Variants in VPS26A observed in about 807,000 individuals in gnomAD.
VPS26A encodes vacuolar protein sorting-associated protein 26A.
VPS26A carries 22 observed loss-of-function variants against 42.4 expected under a neutral mutation model. The observed-to-expected ratio is 0.52, with a 90% confidence interval of 0.37 to 0.74. The LOEUF (loss-of-function observed/expected upper bound fraction) is 0.74, where lower values mean the gene tolerates loss of function less well. VPS26A is among the 30% of genes least tolerant of loss of function. The pLI, the probability that VPS26A is intolerant of heterozygous loss-of-function variation, is 0.00. For missense variants in VPS26A, 276 were observed against 379.2 expected, an observed-to-expected ratio of 0.73 and a Z score of 2.26; for synonymous variants, 110 against 123.5, an observed-to-expected ratio of 0.89 and a Z score of 0.73.
At position 69,167,641 on chromosome 10, in the gene VPS26A, G is replaced by A. The variant is rs375830842; in HGVS notation, c.728-848G>A. 4.6e-5 allele frequency among the ~76,000 whole-genome samples: 7 copies of A among 151,192 alleles called. No individual in the cohort carries two copies. The East Asian group carries it at 1.4e-3, about 29-fold the overall frequency. ...GCCTGTAATCCCAGCTACTCGGGAG[G>A]CTGAGGCAGGAGAATTGGATGAACC... On this transcript the variant is annotated intron_variant, in intron 7 of 8. Coordinates refer to ENST00000263559, the MANE Select transcript of VPS26A (RefSeq NM_004896.5).
At chr10:69,134,790 T>C (rs1840866596) in intron 2 of VPS26A, among the ~76,000 whole-genome samples, 1 of 152,042 alleles carries the variant, frequency 6.6e-6, no homozygotes. Context: ...TTCTTCCTTT[T>C]AAAAGATGAA....
intron 2 of VPS26A, among the ~76,000 whole-genome samples, chr10:69,138,741 C>G (rs1175301110): frequency 1.3e-5 from 2 of 152,112 alleles, no homozygotes; most frequent in Non-Finnish European, 2.9e-5. Flanking sequence ...GAAGTTTTTA[C>G]TTAACCTCTT....
intron 2 of VPS26A, among the ~76,000 whole-genome samples, chr10:69,135,531 C>T (rs1039412180): frequency 7.9e-5 from 12 of 152,136 alleles, no homozygotes; most frequent in South Asian, 6.2e-4. Flanking sequence ...TTGTTTGAGC[C>T]CAAGAGTTCA....
At chr10:69,135,971 T>C (rs1840899392) in intron 2 of VPS26A, among the ~76,000 whole-genome samples, 1 of 152,200 alleles carries the variant, frequency 6.6e-6, no homozygotes, top group Admixed American at 6.5e-5. Context: ...TTGTTTAGTC[T>C]TGCTCATTTA....
At chr10:69,163,530 T>G (rs1841609472) in intron 6 of VPS26A, among the ~76,000 whole-genome samples, 1 of 152,172 alleles carries the variant, frequency 6.6e-6, no homozygotes, top group Non-Finnish European at 1.5e-5. Context: ...CATATTCTCA[T>G]GAGCACAATG....
At chr10:69,168,397 C>A in intron 7 of VPS26A, 92 bp from the exon 8 acceptor site, 1 of 1,322,430 alleles carries the variant, frequency 7.6e-7, no homozygotes, top group Non-Finnish European at 1.0e-6. Flanking sequence ...GGATGTGAAG[C>A]ATTAGTGTCA....
intron 1 of VPS26A, among the ~76,000 whole-genome samples, chr10:69,132,431 G>GTT (rs3086557): frequency 0.21 from 30,194 of 141,078 alleles, 3,722 homozygotes; most frequent in Non-Finnish European, 0.28. Context: ...TTTTGATGTA[G>GTT]TTTTTTTTTT....
Position 69,172,214 on chromosome 10 carries a change from A to G in VPS26A, c.*945A>G, listed in dbSNP as rs534529814. Reference sequence around the variant, plus strand: ...ACTCAGGAGGACCTGTGAAGCATGTAGTTATCTAGATCTGGGTAATTTCAT... The same window carrying G: ...ACTCAGGAGGACCTGTGAAGCATGTGGTTATCTAGATCTGGGTAATTTCAT... On this transcript the variant is annotated 3_prime_UTR_variant, in exon 9 of 9. Coordinates refer to ENST00000263559, the MANE Select transcript of VPS26A (RefSeq NM_004896.5). 6.6e-6 allele frequency: 1 copy of G among 152,336 alleles called. No homozygotes were observed. Among genetic ancestry groups the G allele is most frequent in the South Asian group, 2.1e-4 (1 of 4,830 alleles). 9.4% of individuals were successfully genotyped at this position (152,336 alleles called of 1,614,324 possible). A position where few individuals can be genotyped will look rare whatever the true frequency, so the allele number is the denominator to read the frequency against.
chr10:69,152,860 C>G (rs907118378), intron 2 of VPS26A, among the ~76,000 whole-genome samples: 1 of 151,700 alleles, frequency 6.6e-6, no homozygotes. Flanking sequence ...GTCCCAGCCA[C>G]CCAGGAGGCT....
At chr10:69,125,373 C>G (rs1840627162) in intron 1 of VPS26A, among the ~76,000 whole-genome samples, 1 of 152,132 alleles carries the variant, frequency 6.6e-6, no homozygotes, top group Non-Finnish European at 1.5e-5. Flanking sequence ...CTAGGGGACC[C>G]CAGTAAAATG....
chr10:69,169,361 G>C (rs1262019093), intron 8 of VPS26A, among the ~76,000 whole-genome samples: 1 of 152,036 alleles, frequency 6.6e-6, no homozygotes, highest in East Asian at 1.9e-4. Flanking sequence ...ACTGTGCCCT[G>C]CTGATTTATC....
At chr10:69,151,282 A>AAAAAAAAAAAAAAAC (rs71035063) in intron 2 of VPS26A, among the ~76,000 whole-genome samples, 1 of 136,828 alleles carries the variant, frequency 7.3e-6, no homozygotes, top group Non-Finnish European at 1.5e-5. Context: ...AAAAAAAAAA[A>AAAAAAAAAAAAAAAC]ACACACACAC....
rs74688780 is a variant in VPS26A at position 69,144,798 on chromosome 10, T to C, written c.154-11014T>C. ...TAAAGGTGTTTTATATATCTAGATA[T>C]GGAGTCCTTTGTCTATGTATGTATC... On this transcript the variant is annotated intron_variant, in intron 2 of 8. Coordinates refer to ENST00000263559, the MANE Select transcript of VPS26A (RefSeq NM_004896.5). Among the ~76,000 whole-genome samples, 1,053 of 152,188 alleles carry C rather than the reference T, an allele frequency of 6.9e-3. 10 individuals are homozygous for C. Among genetic ancestry groups the C allele is most frequent in the African/African-American group, 0.024 (997 of 41,534 alleles).
intron 2 of VPS26A, among the ~76,000 whole-genome samples, chr10:69,133,318 AT>A (rs1017704832): frequency 1.3e-5 from 2 of 149,472 alleles, no homozygotes; most frequent in Admixed American, 6.7e-5. Flanking sequence ...AAAAAAAAAT[AT>A]TTTTTTTTTC....
chr10:69,133,118 G>C, intron 2 of VPS26A, 71 bp downstream of exon 2: 1 of 1,473,096 alleles, frequency 6.8e-7, no homozygotes. Context: ...GGTCTGTGCT[G>C]TTTCTTAAAT....
At chr10:69,125,853 A>T (rs966283173) in intron 1 of VPS26A, among the ~76,000 whole-genome samples, 9 of 152,212 alleles carry the variant, frequency 5.9e-5, no homozygotes, top group Admixed American at 1.3e-4. Context: ...AAATTCCTTC[A>T]GTGGGGACTA....
intron 8 of VPS26A, 76 bp downstream of exon 8, chr10:69,168,707 A>G: frequency 6.5e-7 from 1 of 1,541,240 alleles, no homozygotes. Flanking sequence ...TCTAAGCTTC[A>G]CTGTACTGAG....
In VPS26A at chr10:69,158,223, T is replaced by TCA. The variant is rs1841474940; in HGVS notation, c.551+15_551+16dup. On this transcript the variant is annotated intron_variant, in intron 5 of 8. Transcript: ENST00000263559. ...TATAATAAATCAAAGTAAGTATCAT[T>TCA]CACAGATAAGTTGTTCAGAGAAAAT... The TCA allele has an allele frequency of 6.4e-6, 10 of 1,566,202 alleles. No individual in the cohort carries two copies. The highest frequency in any genetic ancestry group is 8.6e-6 in the Non-Finnish European group (10 of 1,159,372).
At chr10:69,132,252 T>C (rs1333386666) in intron 1 of VPS26A, among the ~76,000 whole-genome samples, 1 of 152,208 alleles carries the variant, frequency 6.6e-6, no homozygotes, top group Non-Finnish European at 1.5e-5. Flanking sequence ...AAGAATTAAC[T>C]TCTTAGATTT....
Sources: allele counts gnomAD v4.1 joint callset (sites outside exome capture counted in the v4.1 genomes callset), GRCh38; gene constraint gnomAD v4.1.1; transcripts MANE v1.5; gene names NCBI Gene and HGNC (gene_info 2026-07-23, HGNC 2026-07-21).